The following NMNAT3 variants were observed in gnomAD, a reference collection of about 807,000 sequenced individuals.
NMNAT3 encodes the protein nicotinamide nucleotide adenylyltransferase 3, also known as nicotinamide/nicotinic acid mononucleotide adenylyltransferase 3.
In NMNAT3, 21 loss-of-function variants were observed where a neutral mutation model predicts 24.8. That is an observed-to-expected ratio of 0.85 (90% CI 0.60 to 1.22). The LOEUF (loss-of-function observed/expected upper bound fraction) is 1.22. NMNAT3 is among the 50% of genes most tolerant of loss of function. NMNAT3 has a pLI of 0.00. For missense variants in NMNAT3, 387 were observed against 436.6 expected (o/e 0.89, Z 1.01); for synonymous variants, 136 against 155.2 (o/e 0.88, Z 0.92).
chr3:139,579,271 C>G (rs567529532), intron 4 of NMNAT3, among the ~76,000 whole-genome samples: 1 of 152,110 alleles, frequency 6.6e-6, no homozygotes, highest in East Asian at 1.9e-4. Context: ...TTCTACAACC[C>G]GGGTAGCACT....
Position 139,622,561 on chromosome 3 carries a change from C to T in NMNAT3, c.109+5055G>A, listed in dbSNP as rs2055828995. ...CAGCCTGACCAATATGATGAAACCC[C>T]ATCTTTACTAAAAATACAAAAAAAT... On this transcript the variant is annotated intron_variant, in intron 3 of 6. Transcript: ENST00000643695. Among the ~76,000 whole-genome samples the T allele has an allele frequency of 2.0e-5, 3 of 151,110 alleles. No individual in the cohort carries two copies. The South Asian group carries it at 6.3e-4, about 32-fold the overall frequency.
At chr3:139,655,467 T>C (rs1481855706) in intron 1 of NMNAT3, among the ~76,000 whole-genome samples, 1 of 152,244 alleles carries the variant, frequency 6.6e-6, no homozygotes, top group Non-Finnish European at 1.5e-5. Flanking sequence ...CCTTCCATAA[T>C]GCCCTCTCTT....
chr3:139,644,135 C>T (rs898942535), intron 1 of NMNAT3, among the ~76,000 whole-genome samples: 2 of 152,308 alleles, frequency 1.3e-5, no homozygotes, highest in South Asian at 4.1e-4. Context: ...CCAACAAATA[C>T]CCTTTTTATC....
intron 5 of NMNAT3, among the ~76,000 whole-genome samples, chr3:139,574,035 C>T (rs1938892809): frequency 6.6e-6 from 1 of 152,166 alleles, no homozygotes; most frequent in Non-Finnish European, 1.5e-5. Context: ...ATCAGACAGA[C>T]TTGAATTCAA....
At chr3:139,622,232 A>G (rs1255809154) in intron 3 of NMNAT3, among the ~76,000 whole-genome samples, 1 of 152,108 alleles carries the variant, frequency 6.6e-6, no homozygotes, top group Non-Finnish European at 1.5e-5. Context: ...TCTCTGCATC[A>G]TCACCAACAT....
At chr3:139,660,949 C>T (rs149034142) in intron 1 of NMNAT3, among the ~76,000 whole-genome samples, 142 of 152,236 alleles carry the variant, frequency 9.3e-4, no homozygotes, top group African/African-American at 3.0e-3. Context: ...GTGACATATG[C>T]GATGCCTATT....
intron 1 of NMNAT3, among the ~76,000 whole-genome samples, chr3:139,651,594 T>C (rs1412915702): frequency 6.6e-6 from 1 of 152,118 alleles, no homozygotes; most frequent in Non-Finnish European, 1.5e-5. Flanking sequence ...GATTCCAGAA[T>C]CCTGAAAACC....
intron 3 of NMNAT3, among the ~76,000 whole-genome samples, chr3:139,616,051 C>T (rs1285659322): frequency 6.6e-6 from 1 of 152,070 alleles, no homozygotes; most frequent in Non-Finnish European, 1.5e-5. Context: ...TGCTACTAGC[C>T]ACCTCTATCT....
At chr3:139,626,396 T>G (rs1048917281) in intron 3 of NMNAT3, among the ~76,000 whole-genome samples, 1 of 152,144 alleles carries the variant, frequency 6.6e-6, no homozygotes, top group Admixed American at 6.5e-5. Context: ...TTTTTTATTC[T>G]TTATAGTGTA....
intron 5 of NMNAT3, 140 bp downstream of exon 5, chr3:139,578,732 G>A (rs1351720798): frequency 4.5e-6 from 3 of 673,916 alleles, no homozygotes; most frequent in Non-Finnish European, 7.2e-6. Context: ...CTCCTGCTAA[G>A]TAGAAACTGC....
At chr3:139,582,335 C>T (rs2053676174) in intron 4 of NMNAT3, among the ~76,000 whole-genome samples, 1 of 150,436 alleles carries the variant, frequency 6.6e-6, no homozygotes, top group Non-Finnish European at 1.5e-5. Context: ...AGAGAATATT[C>T]TTATTCTTAG....
chr3:139,655,439 A>G (rs1179949055), intron 1 of NMNAT3, among the ~76,000 whole-genome samples: 1 of 152,214 alleles, frequency 6.6e-6, no homozygotes, highest in Non-Finnish European at 1.5e-5. Flanking sequence ...TCTCCAACTA[A>G]CAAGTAAGTC....
intron 3 of NMNAT3, among the ~76,000 whole-genome samples, chr3:139,622,640 C>G (rs2055833634): frequency 6.6e-6 from 1 of 150,694 alleles, no homozygotes; most frequent in Non-Finnish European, 1.5e-5. Context: ...GAGACTGAGA[C>G]AGGAGAATCG....
chr3:139,570,607 C>A (rs295515), intron 6 of NMNAT3: 54,744 of 152,170 alleles, frequency 0.36, 10,842 homozygotes, highest in South Asian at 0.61. Context: ...CTAGAGGTCC[C>A]CTCCAGACCC....
chr3:139,596,007 C>T (rs897713501), intron 3 of NMNAT3, among the ~76,000 whole-genome samples: 5 of 152,164 alleles, frequency 3.3e-5, no homozygotes, highest in Non-Finnish European at 7.4e-5. Context: ...AAGAAACTAC[C>T]ATCAGACTGA....
rs192773188 is a variant in NMNAT3, at chr3:139,564,224, C to A, written c.659-2832G>T. Among the ~76,000 whole-genome samples, 979 of 152,236 alleles carry A rather than the reference C, an allele frequency of 6.4e-3. 6 individuals carry two copies. The highest frequency in any genetic ancestry group is 0.013 in the African/African-American group (550 of 41,550). On this transcript the variant is annotated intron_variant, in intron 6 of 6. Transcript: ENST00000643695. ...AATGCAATGTAAATTTCCTGTCTGG[C>A]GCAGCATGTGAACACTGCCACCAAC...
At chr3:139,669,915 AC>A (rs1203105105) in intron 1 of NMNAT3, among the ~76,000 whole-genome samples, 2 of 152,196 alleles carry the variant, frequency 1.3e-5, no homozygotes, top group East Asian at 3.9e-4. Context: ...AACCTTACAC[AC>A]TCAAGCCTTC....
intron 2 of NMNAT3, among the ~76,000 whole-genome samples, chr3:139,631,631 C>G (rs1185581545): frequency 6.6e-6 from 1 of 152,120 alleles, no homozygotes; most frequent in Non-Finnish European, 1.5e-5. Context: ...CAAACAGGTT[C>G]TACCTTTGGC....
chr3:139,567,546 T>C (rs2108012973), intron 6 of NMNAT3: 1 of 152,338 alleles, frequency 6.6e-6, no homozygotes, highest in African/African-American at 2.4e-5. Context: ...CAATACCTAA[T>C]TTATTGAGAG....
Sources: gnomAD v4.1 joint callset for allele counts (sites outside exome capture counted in the v4.1 genomes callset) on GRCh38, gnomAD v4.1.1 for gene constraint, MANE v1.5 for transcripts, NCBI Gene and HGNC (gene_info 2026-07-23, HGNC 2026-07-21) for gene names.